The following UTS2 variants were observed in gnomAD, a reference collection of about 807,000 sequenced individuals.
The protein encoded by UTS2 is urotensin 2.
In UTS2, 10 loss-of-function variants were observed where a neutral mutation model predicts 12.6. The ratio of observed to expected loss-of-function variants is 0.80; its 90% CI spans 0.49 to 1.35. The LOEUF (loss-of-function observed/expected upper bound fraction) is 1.35, where lower values mean the gene tolerates loss of function less well. Among genes scored for constraint, UTS2 ranks in the 40% most tolerant of loss-of-function variants. The probability of loss-of-function intolerance (pLI) is 0.00; values close to 1 mark genes in which losing one functional copy is unlikely to be tolerated. For synonymous variants in UTS2, 52 were observed against 50.0 expected (o/e 1.04, Z -0.17); for missense variants, 142 against 143.2 (o/e 0.99, Z 0.04).
the UTS2 span, among the ~76,000 whole-genome samples, chr1:7,874,946 C>T: frequency 2.0e-4 from 30 of 152,300 alleles, no homozygotes; most frequent in African/African-American, 6.7e-4. Context: ...CTTTGCCTTC[C>T]GCCATGACTG....
intron 2 of UTS2, 76 bp downstream of exon 2, chr1:7,850,736 C>G (rs2097413062): frequency 1.4e-6 from 2 of 1,423,334 alleles, no homozygotes; most frequent in African/African-American, 1.4e-5. Context: ...AGAGCTTTAC[C>G]TCTTCTAGAT....
At chr1:7,912,530 T>TA in the UTS2 span, among the ~76,000 whole-genome samples, 1 of 152,184 alleles carries the variant, frequency 6.6e-6, no homozygotes, top group Admixed American at 6.5e-5. Context: ...CTCAGCTCAC[T>TA]ACAACCTCCA....
the UTS2 span, among the ~76,000 whole-genome samples, chr1:7,888,696 A>T: frequency 1.3e-5 from 2 of 152,210 alleles, no homozygotes; most frequent in African/African-American, 4.8e-5. Flanking sequence ...GTGAGATTTC[A>T]TCAGAACTTC....
At chr1:7,878,566 A>C in the UTS2 span, among the ~76,000 whole-genome samples, 1 of 152,192 alleles carries the variant, frequency 6.6e-6, no homozygotes, top group African/African-American at 2.4e-5. Flanking sequence ...AAATTGATTA[A>C]ATTAAGTTGC....
chr1:7,909,643 C>T, the UTS2 span, among the ~76,000 whole-genome samples: 61 of 150,582 alleles, frequency 4.1e-4, no homozygotes, highest in Non-Finnish European at 6.5e-4. Context: ...TTTTTTGAGA[C>T]GGAGTCTCAC....
At chr1:7,852,809 C>T (rs773329971) in intron 1 of UTS2, 92 bp downstream of exon 1, 55 of 1,412,338 alleles carry the variant, frequency 3.9e-5, no homozygotes, top group Non-Finnish European at 4.9e-5. Flanking sequence ...CAGACTCCTT[C>T]GAGCAGGAAT....
chr1:7,876,856 G>A, the UTS2 span, among the ~76,000 whole-genome samples: 1 of 150,484 alleles, frequency 6.6e-6, no homozygotes, highest in Non-Finnish European at 1.5e-5. Context: ...CAGCGGCTGG[G>A]CACGGTGGCT....
the UTS2 span, among the ~76,000 whole-genome samples, chr1:7,867,801 G>A: frequency 2.0e-5 from 3 of 152,064 alleles, no homozygotes; most frequent in African/African-American, 4.8e-5. Context: ...GCTTGAACCC[G>A]GGAGGTGGAA....
the UTS2 span, among the ~76,000 whole-genome samples, chr1:7,866,267 A>C: frequency 2.0e-5 from 3 of 152,188 alleles, no homozygotes; most frequent in Admixed American, 2.0e-4. The surrounding 1 kb of genome is among the most constrained non-coding windows in gnomAD (Gnocchi z 4.5). Flanking sequence ...GAAAGTAGGC[A>C]GGGAGAAACG....
the UTS2 span, among the ~76,000 whole-genome samples, chr1:7,867,648 G>A: frequency 2.6e-5 from 4 of 152,082 alleles, no homozygotes; most frequent in Non-Finnish European, 4.4e-5. Flanking sequence ...AGGCTGAGGC[G>A]AGTGGTCCCT....
At chr1:7,857,465 A>G (rs1638336745), upstream of UTS2, among the ~76,000 whole-genome samples, 1 of 77,276 alleles carries the variant, frequency 1.3e-5, no homozygotes. Flanking sequence ...TCAGGTAGTT[A>G]CTACTATGTT....
chr1:7,886,533 C>T, the UTS2 span, among the ~76,000 whole-genome samples: 2 of 152,122 alleles, frequency 1.3e-5, no homozygotes, highest in Non-Finnish European at 2.9e-5. Context: ...CTTACGGGAG[C>T]GGGTTCTGCC....
upstream of UTS2, among the ~76,000 whole-genome samples, chr1:7,853,918 G>A (rs1294138584): frequency 1.3e-5 from 2 of 152,344 alleles, no homozygotes; most frequent in East Asian, 3.9e-4. Flanking sequence ...AAAACTTTCT[G>A]TGGACCTAAA....
chr1:7,904,643 G>C, the UTS2 span, among the ~76,000 whole-genome samples: 3 of 152,130 alleles, frequency 2.0e-5, no homozygotes, highest in Non-Finnish European at 4.4e-5. Flanking sequence ...AGTGGCTCAC[G>C]CCTATAATCC....
the UTS2 span, among the ~76,000 whole-genome samples, chr1:7,875,143 A>C: frequency 5.3e-5 from 8 of 150,008 alleles, no homozygotes; most frequent in African/African-American, 1.7e-4. Context: ...GGCGCGATCT[A>C]GGCTCACTGC....
chr1:7,885,950 G>A, the UTS2 span, among the ~76,000 whole-genome samples: 1 of 150,520 alleles, frequency 6.6e-6, no homozygotes, highest in Non-Finnish European at 1.5e-5. Flanking sequence ...CCCTGGGCCT[G>A]TGTGGCCCTT....
In UTS2 at chr1:7,847,621, CAT is replaced by C. The variant is rs2097409053; in HGVS notation, c.*143_*144del. On this transcript the variant is annotated 3_prime_UTR_variant, in exon 4 of 4. Coordinates refer to ENST00000361696, the MANE Select transcript of UTS2 (RefSeq NM_006786.4). ...ATAACCACTCATGATATGTGCAAAACATAGAGGATTTATTTTCCAGGTAACAA... is the reference window on the plus strand; with the variant it reads ...ATAACCACTCATGATATGTGCAAAACAGAGGATTTATTTTCCAGGTAACAA... 6.0e-6 allele frequency: 4 copies of C among 670,110 alleles called. No homozygotes were observed. 41.5% of individuals were successfully genotyped at this position (670,110 alleles called of 1,614,324 possible).
At chr1:7,899,437 A>AAAAAT in the UTS2 span, among the ~76,000 whole-genome samples, 3 of 152,234 alleles carry the variant, frequency 2.0e-5, no homozygotes, top group Non-Finnish European at 4.4e-5. Context: ...GGTGTTTTAA[A>AAAAAT]AAAATAAAAT....
the UTS2 span, among the ~76,000 whole-genome samples, chr1:7,863,046 T>C: frequency 5.6e-5 from 2 of 35,530 alleles, no homozygotes; most frequent in South Asian, 1.2e-3. Flanking sequence ...TTGTATTGTA[T>C]TGTATTGTAT....
Sources: allele counts gnomAD v4.1 joint callset (sites outside exome capture counted in the v4.1 genomes callset), GRCh38; gene constraint gnomAD v4.1.1; non-coding constraint Gnocchi (gnomAD v3.1); transcripts MANE v1.5; gene names NCBI Gene and HGNC (gene_info 2026-07-23, HGNC 2026-07-21).